MEGF10: variants seen among roughly 807,000 people sequenced by gnomAD.
MEGF10 encodes the protein multiple epidermal growth factor-like domains protein 10.
A neutral mutation model predicts 147.5 loss-of-function variants in MEGF10; 86 were observed. That is an observed-to-expected ratio of 0.58 (90% CI 0.49 to 0.70). MEGF10 has a LOEUF of 0.70. Ranked by LOEUF, MEGF10 falls within the 30% of genes least tolerant of loss-of-function variation. The pLI, the probability that MEGF10 is intolerant of heterozygous loss-of-function variation, is 0.00. For missense variants in MEGF10, 1,329 were observed against 1,487.3 expected, an observed-to-expected ratio of 0.89 and a Z score of 1.75; for synonymous variants, 478 against 525.5, an observed-to-expected ratio of 0.91 and a Z score of 1.24.
intron 1 of MEGF10, among the ~76,000 whole-genome samples, chr5:127,311,317 C>G (rs1760278368): frequency 1.3e-5 from 2 of 152,176 alleles, no homozygotes; most frequent in Non-Finnish European, 2.9e-5. Flanking sequence ...TCTTGAAGAG[C>G]AAACTAAATA....
rs1764834531 is a variant in MEGF10 at position 127,417,824 on chromosome 5, GGGCTCTGGA to G, written c.1305+15_1305+23del. 1 of 1,612,092 alleles carries G rather than the reference GGGCTCTGGA, an allele frequency of 6.2e-7. No individual in the cohort carries two copies. Among genetic ancestry groups the G allele is most frequent in the South Asian group, 1.1e-5 (1 of 90,612 alleles). ...CCCCAGGATTCAAAGTGAGTGACTA[GGGCTCTGGA>G]GGAAGGAGAAGAGGGGTGCAGTGTG... On this transcript the variant is annotated intron_variant, in intron 10 of 24. Coordinates refer to ENST00000503335, the MANE Select transcript of MEGF10 (RefSeq NM_001256545.2).
At chr5:127,329,881 T>G (rs1396265689) in intron 1 of MEGF10, among the ~76,000 whole-genome samples, 1 of 152,194 alleles carries the variant, frequency 6.6e-6, no homozygotes, top group Non-Finnish European at 1.5e-5. Flanking sequence ...GTGCCTGTGA[T>G]TCTCAGGTGC....
chr5:127,417,436 G>A (rs1384182628), intron 9 of MEGF10, among the ~76,000 whole-genome samples: 1 of 152,218 alleles, frequency 6.6e-6, no homozygotes, highest in Non-Finnish European at 1.5e-5. Context: ...TGCTGATGAT[G>A]CTGATTTCAT....
At chr5:127,290,366 G>A (rs1238276883), upstream of MEGF10, among the ~76,000 whole-genome samples, 4 of 152,084 alleles carry the variant, frequency 2.6e-5, no homozygotes, top group African/African-American at 7.2e-5. Flanking sequence ...AGGACCCGCC[G>A]TCCACTCCAG....
chr5:127,280,593 C>T, the MEGF10 span, among the ~76,000 whole-genome samples: 1 of 152,112 alleles, frequency 6.6e-6, no homozygotes, highest in Non-Finnish European at 1.5e-5. Context: ...TTGAGAAACA[C>T]TCACCTTATT....
chr5:127,435,390 T>C lies in MEGF10; in HGVS notation c.2005T>C (p.Cys669Arg). Residue 669 changes from cysteine to arginine, a missense_variant, in exon 16 of 25, where the codon TGT becomes CGT. Around this residue, in one of 3 missense-constraint regions of MEGF10, gnomAD observed 980 missense variants for 1,085.9 expected, o/e 0.90. Transcript: ENST00000503335. ...VCPSGRFGKN[C>R]AGICTCTNNG... ...TCCCAGTGGCAGATTTGGGAAAAAC[T>C]GTGCAGGAATTTGTACCTGCACCAA... The C allele has an allele frequency of 6.2e-7, 1 of 1,614,146 alleles. No individual in the cohort carries two copies. The highest frequency in any genetic ancestry group is 1.1e-5 in the South Asian group (1 of 91,076).
chr5:127,330,535 A>AAT (rs374455320), intron 1 of MEGF10, among the ~76,000 whole-genome samples: 384 of 152,226 alleles, frequency 2.5e-3, no homozygotes, highest in African/African-American at 8.8e-3. Context: ...CAAGCTTTTA[A>AAT]ATGTTACTTT....
chr5:127,246,453 GC>G, the MEGF10 span, among the ~76,000 whole-genome samples: 12 of 152,158 alleles, frequency 7.9e-5, 1 homozygote, highest in Admixed American at 5.2e-4. Context: ...AGGGCCTGTT[GC>G]GGGGTGGGGA....
At chr5:127,343,025 C>T (rs1761742941) in intron 4 of MEGF10, among the ~76,000 whole-genome samples, 1 of 152,038 alleles carries the variant, frequency 6.6e-6, no homozygotes, top group Admixed American at 6.6e-5. Context: ...GAGGTGACTC[C>T]CAGTGACTTT....
intron 8 of MEGF10, among the ~76,000 whole-genome samples, chr5:127,406,767 G>A (rs1000970456): frequency 7.2e-5 from 11 of 152,206 alleles, no homozygotes; most frequent in Admixed American, 2.0e-4. Flanking sequence ...GGATATTGTG[G>A]TGAGTAAATG....
the MEGF10 span, among the ~76,000 whole-genome samples, chr5:127,270,071 T>C: frequency 6.6e-6 from 1 of 152,178 alleles, no homozygotes; most frequent in Non-Finnish European, 1.5e-5. Context: ...CTAAAAGAGC[T>C]GCTGAAGGAA....
At chr5:127,347,516 G>A (rs936134279) in intron 4 of MEGF10, among the ~76,000 whole-genome samples, 1 of 151,942 alleles carries the variant, frequency 6.6e-6, no homozygotes, top group Admixed American at 6.6e-5. Context: ...GCATGTATAG[G>A]AACTATAGTT....
chr5:127,252,528 T>A, the MEGF10 span, among the ~76,000 whole-genome samples: 10 of 151,890 alleles, frequency 6.6e-5, no homozygotes, highest in Admixed American at 2.6e-4. Context: ...AGTTTCAGAA[T>A]AGCTCTATTT....
At chr5:127,440,175 G>T (rs1396467057) in intron 17 of MEGF10, among the ~76,000 whole-genome samples, 1 of 152,250 alleles carries the variant, frequency 6.6e-6, no homozygotes, top group East Asian at 1.9e-4. Flanking sequence ...AGTGTGAAGG[G>T]TTATTGCTTT....
the MEGF10 span, among the ~76,000 whole-genome samples, chr5:127,268,387 G>A: frequency 2.0e-5 from 3 of 152,196 alleles, no homozygotes; most frequent in Admixed American, 2.0e-4. Flanking sequence ...AGAAGAATGT[G>A]TATTCTGTTG....
At position 127,455,608 on chromosome 5, in the gene MEGF10, G is replaced by A; in HGVS notation, c.3232+1G>A. 32 of 1,613,746 alleles carry A rather than the reference G, an allele frequency of 2.0e-5. No homozygotes were observed. Among genetic ancestry groups the A allele is most frequent in the Non-Finnish European group, 2.6e-5 (31 of 1,179,768 alleles). On this transcript the variant is annotated splice_donor_variant, in intron 24 of 24. Transcript: ENST00000503335. LOFTEE classifies it high-confidence loss of function. ...GCCAACAGGAATGTCTATGAAGTTG[G>A]TGAGTTCCCTTAACCATAGAAAGAA...
intron 7 of MEGF10, 140 bp from the exon 8 acceptor site, chr5:127,402,406 C>A: frequency 1.2e-6 from 1 of 831,750 alleles, no homozygotes; most frequent in Non-Finnish European, 1.9e-6. Context: ...AGTTTATGTG[C>A]TCTAAAATTC....
At chr5:127,377,502 T>C (rs1367325304) in intron 5 of MEGF10, among the ~76,000 whole-genome samples, 1 of 152,204 alleles carries the variant, frequency 6.6e-6, no homozygotes, top group Non-Finnish European at 1.5e-5. Flanking sequence ...TCCGGTTAAA[T>C]ATACTTGGCA....
At chr5:127,255,311 C>T in the MEGF10 span, among the ~76,000 whole-genome samples, 42 of 152,182 alleles carry the variant, frequency 2.8e-4, no homozygotes, top group East Asian at 5.2e-3. Context: ...GACAACTGAG[C>T]GGCAAGGGAT....
Sources: allele counts gnomAD v4.1 joint callset (sites outside exome capture counted in the v4.1 genomes callset), GRCh38; gene constraint gnomAD v4.1.1; regional missense constraint gnomAD v4.1.1; transcripts MANE v1.5; gene names NCBI Gene and HGNC (gene_info 2026-07-23, HGNC 2026-07-21).